The following VPS33A variants were observed in gnomAD, a reference collection of about 807,000 sequenced individuals.
VPS33A encodes the protein vacuolar protein sorting-associated protein 33A.
Under a neutral mutation model 71.8 loss-of-function variants are expected in VPS33A, and 32 were observed. That is an observed-to-expected ratio of 0.45 (90% CI 0.34 to 0.60). The LOEUF (loss-of-function observed/expected upper bound fraction) is 0.60. Ranked by LOEUF, VPS33A falls within the 20% of genes least tolerant of loss-of-function variation. The pLI, the probability that VPS33A is intolerant of heterozygous loss-of-function variation, is 0.02. For synonymous variants in VPS33A, 311 were observed against 292.7 expected (o/e 1.06, Z -0.64); for missense variants, 625 against 748.5 (o/e 0.84, Z 1.92).
At chr12:122,261,968 T>C (rs1021691472) in intron 3 of VPS33A, among the ~76,000 whole-genome samples, 4 of 150,214 alleles carry the variant, frequency 2.7e-5, no homozygotes, top group East Asian at 3.9e-4. Flanking sequence ...CGCCACTGCA[T>C]TCCAGCCTGG....
intron 11 of VPS33A, 77 bp downstream of exon 11, chr12:122,235,709 G>A (rs1954621005): frequency 6.7e-7 from 1 of 1,481,772 alleles, no homozygotes; most frequent in Admixed American, 2.4e-5. Context: ...CAGATGTGTA[G>A]GTTCAGAAGC....
chr12:122,238,582 C>A lies in VPS33A; in HGVS notation c.1302+5G>T. ...GGCAAATTAATAATTTAAAAATATA[C>A]TCACCTGGAGAATCTCTCTTTTGTA... On this transcript the variant is annotated splice_donor_5th_base_variant and intron_variant, in intron 10 of 12. Coordinates refer to ENST00000267199, the MANE Select transcript of VPS33A (RefSeq NM_022916.6). The A allele has an allele frequency of 6.3e-7, 1 of 1,594,076 alleles. No individual in the cohort carries two copies. The highest frequency in any genetic ancestry group is 8.5e-7 in the Non-Finnish European group (1 of 1,173,562).
In VPS33A at chr12:122,264,219, T is replaced by G. The variant is rs373032801; in HGVS notation, c.103-20A>C. 5 of 1,516,498 alleles carry G rather than the reference T, an allele frequency of 3.3e-6. No individual in the cohort carries two copies. The African/African-American group carries it at 5.4e-5, about 16-fold the overall frequency. The allele number at this position is 1,516,498 out of a possible 1,614,324, so 93.9% of individuals were successfully genotyped here. A position where few individuals can be genotyped will look rare whatever the true frequency, so the allele number is the denominator to read the frequency against. ...TATTGCCTGTAAGAGGGGAGAAACA[T>G]TCTCTTATTATAGTTAATATCAGGA... On this transcript the variant is annotated intron_variant, in intron 1 of 12. Coordinates refer to ENST00000267199, the MANE Select transcript of VPS33A (RefSeq NM_022916.6).
chr12:122,262,812 A>G (rs888737074), intron 3 of VPS33A, among the ~76,000 whole-genome samples: 5 of 151,714 alleles, frequency 3.3e-5, no homozygotes, highest in African/African-American at 1.2e-4. Context: ...CAACTTCCTA[A>G]GTTTCTCATC....
intron 3 of VPS33A, among the ~76,000 whole-genome samples, chr12:122,263,340 C>G (rs1305908682): frequency 6.6e-6 from 1 of 151,980 alleles, no homozygotes; most frequent in Non-Finnish European, 1.5e-5. Context: ...CTATAGTCAC[C>G]CTGTTGTGCT....
chr12:122,233,025 A>C, intron 11 of VPS33A, 57 bp from the exon 12 acceptor site: 1 of 1,464,926 alleles, frequency 6.8e-7, no homozygotes. Context: ...GAGCTACCTG[A>C]CTGTGGCCTT....
rs1003353647 is a variant in VPS33A, at chr12:122,256,245, G to C, written c.483+5016C>G. ...TGTACTATACCAGCGGTTCCCTAAA[G>C]TTCTAGTCTCTACCTTCGAAGTATT... is the stretch of plus-strand genomic sequence containing the variant. On this transcript the variant is annotated intron_variant, in intron 4 of 12. Transcript: ENST00000267199. Among the ~76,000 whole-genome samples, 49 of 151,970 alleles carry C rather than the reference G, an allele frequency of 3.2e-4. 1 individual carries two copies. The highest frequency in any genetic ancestry group is 2.6e-3 in the Admixed American group (39 of 15,244).
chr12:122,233,080 C>T (rs972246844), intron 11 of VPS33A, 112 bp from the exon 12 acceptor site: 4 of 1,182,896 alleles, frequency 3.4e-6, no homozygotes, highest in South Asian at 1.8e-5. Flanking sequence ...AGATATACAA[C>T]CCCCACCCCT....
At chr12:122,242,257 G>C in intron 8 of VPS33A, 125 bp downstream of exon 8, 1 of 1,190,774 alleles carries the variant, frequency 8.4e-7, no homozygotes, top group Non-Finnish European at 1.2e-6. Context: ...ACACTGAGAA[G>C]AACACGTGGT....
chr12:122,233,385 CTGGCTCATTGT>C (rs1029306917), intron 11 of VPS33A, among the ~76,000 whole-genome samples: 1 of 152,172 alleles, frequency 6.6e-6, no homozygotes, highest in African/African-American at 2.4e-5. Flanking sequence ...ACCACCACTC[CTGGCTCATTGT>C]TGTATTTTTA....
chr12:122,242,836 G>A lies in VPS33A; in HGVS notation c.970-328C>T, dbSNP rs1954733240. Among the ~76,000 whole-genome samples the A allele has an allele frequency of 2.6e-5, 4 of 152,168 alleles. No homozygotes were observed. The South Asian group carries it at 8.3e-4, about 32-fold the overall frequency. ...CCCAAAGTGTTAGGATTACAGGCGT[G>A]AGCCACCACGCCTGGCCGATATTTT... On this transcript the variant is annotated intron_variant, in intron 7 of 12. Coordinates refer to ENST00000267199, the MANE Select transcript of VPS33A (RefSeq NM_022916.6).
chr12:122,250,081 T>A (rs1226584827), intron 5 of VPS33A, 36 bp from the exon 6 acceptor site: 8 of 1,544,362 alleles, frequency 5.2e-6, no homozygotes, highest in Non-Finnish European at 7.0e-6. Context: ...GGGGCCCCCC[T>A]GGGAACAAGC....
chr12:122,261,194 G>A (rs1954988917), intron 4 of VPS33A, 67 bp downstream of exon 4: 1 of 1,365,162 alleles, frequency 7.3e-7, no homozygotes, highest in Non-Finnish European at 1.0e-6. Context: ...AATCAGTACT[G>A]TGGTATGCTC....
At chr12:122,265,583 C>T (rs753834753) in intron 1 of VPS33A, 5 of 306,036 alleles carry the variant, frequency 1.6e-5, no homozygotes, top group Non-Finnish European at 3.5e-5. Context: ...GAAACTGGGC[C>T]CCTATGATGT....
intron 8 of VPS33A, chr12:122,241,186 G>A (rs1954709553): frequency 6.6e-6 from 1 of 151,000 alleles, no homozygotes. Context: ...AACCATCTCA[G>A]ATTATGATGG....
chr12:122,259,915 T>C (rs1954970167), intron 4 of VPS33A, among the ~76,000 whole-genome samples: 1 of 151,920 alleles, frequency 6.6e-6, no homozygotes, highest in Non-Finnish European at 1.5e-5. Flanking sequence ...TGGCGGCACA[T>C]GCCTGTAGTT....
chr12:122,246,488 C>T lies in VPS33A; in HGVS notation c.776-1726G>A, dbSNP rs528787349. Among the ~76,000 whole-genome samples the T allele has an allele frequency of 7.9e-4, 120 of 151,526 alleles. 2 individuals are homozygous for T. Among genetic ancestry groups the T allele is most frequent in the African/African-American group, 2.6e-3 (108 of 41,250 alleles). On this transcript the variant is annotated intron_variant, in intron 6 of 12. Coordinates refer to ENST00000267199, the MANE Select transcript of VPS33A (RefSeq NM_022916.6). Reference sequence around the variant, plus strand: ...CTAATTTTTGTACTTTTAGTAGAGACGGGTTTCACCATGTTGGCCAGGCTG... The same window carrying T: ...CTAATTTTTGTACTTTTAGTAGAGATGGGTTTCACCATGTTGGCCAGGCTG...
At chr12:122,266,200 G>A in intron 1 of VPS33A, 107 bp downstream of exon 1, 1 of 1,474,814 alleles carries the variant, frequency 6.8e-7, no homozygotes, top group South Asian at 1.3e-5. Flanking sequence ...CGCCTCCTTG[G>A]AAGCCCCAAG....
At chr12:122,266,150 G>A (rs1295898690) in intron 1 of VPS33A, among the ~76,000 whole-genome samples, 157 bp downstream of exon 1, 4 of 152,108 alleles carry the variant, frequency 2.6e-5, no homozygotes, top group Non-Finnish European at 1.5e-5. Flanking sequence ...CTTCATCGCT[G>A]CCTCCTGCAC....
Sources: gnomAD v4.1 joint callset for allele counts (sites outside exome capture counted in the v4.1 genomes callset) on GRCh38, gnomAD v4.1.1 for gene constraint, MANE v1.5 for transcripts, NCBI Gene and HGNC (gene_info 2026-07-23, HGNC 2026-07-21) for gene names.